Variants in FGD4 observed in about 807,000 individuals in gnomAD.
The protein encoded by FGD4 is FYVE, RhoGEF and PH domain-containing protein 4.
A neutral mutation model predicts 102.0 loss-of-function variants in FGD4; 42 were observed. That is an observed-to-expected ratio of 0.41 (90% CI 0.32 to 0.53). FGD4 has a LOEUF of 0.53. Among genes scored for constraint, FGD4 ranks in the 20% least tolerant of loss-of-function variants. FGD4 has a pLI of 0.21. For synonymous variants in FGD4, 380 were observed against 375.7 expected, an observed-to-expected ratio of 1.01 and a Z score of -0.13; for missense variants, 902 against 1,078.2, an observed-to-expected ratio of 0.84 and a Z score of 2.29.
At chr12:32,422,288 CTTTTTTTTTTTTT>C (rs770560590) in intron 1 of FGD4, among the ~76,000 whole-genome samples, 17 of 54,174 alleles carry the variant, frequency 3.1e-4, no homozygotes, top group South Asian at 2.3e-3. Flanking sequence ...TTGGGAGCTG[CTTTTTTTTTTTTT>C]TTTTTTTTTT....
chr12:32,637,495 C>G (rs1950906406), intron 15 of FGD4, among the ~76,000 whole-genome samples: 1 of 151,738 alleles, frequency 6.6e-6, no homozygotes, highest in African/African-American at 2.4e-5. Flanking sequence ...ACTCAGGAGG[C>G]TGAGGCAGGA....
intron 2 of FGD4, among the ~76,000 whole-genome samples, chr12:32,569,695 C>T (rs1477807504): frequency 6.6e-6 from 1 of 152,110 alleles, no homozygotes; most frequent in Non-Finnish European, 1.5e-5. Context: ...GATTTACTTG[C>T]TATTTTTTTG....
rs551939571 is a variant in FGD4 at position 32,531,170 on chromosome 12, C to T, written c.167-32967C>T. On this transcript the variant is annotated intron_variant, in intron 1 of 16. Coordinates refer to ENST00000534526, the MANE Select transcript of FGD4 (RefSeq NM_001370298.3). ...TTTCACCACGTTGGCCAGATGGTCT[C>T]GATCTCTTGACCTCATGATCCGCCC... Among the ~76,000 whole-genome samples, 77 of 151,722 alleles carry T rather than the reference C, an allele frequency of 5.1e-4. No individual in the cohort carries two copies. In the South Asian group the frequency reaches 6.7e-3, roughly 13 times the overall value.
intron 7 of FGD4, among the ~76,000 whole-genome samples, chr12:32,605,007 C>T (rs1248513593): frequency 1.6e-5 from 2 of 127,980 alleles, no homozygotes; most frequent in African/African-American, 6.4e-5. Flanking sequence ...GGTATGATCT[C>T]GGCTCACTGT....
At chr12:32,569,353 G>A (rs925052183) in intron 2 of FGD4, among the ~76,000 whole-genome samples, 2 of 152,086 alleles carry the variant, frequency 1.3e-5, no homozygotes, top group African/African-American at 4.8e-5. Flanking sequence ...CTCATTTCAT[G>A]CAAAGTCAAA....
At chr12:32,460,336 A>C (rs1226332632) in intron 1 of FGD4, among the ~76,000 whole-genome samples, 1 of 151,924 alleles carries the variant, frequency 6.6e-6, no homozygotes, top group Non-Finnish European at 1.5e-5. Context: ...ACATAGTGAG[A>C]CTTTGGCTTT....
chr12:32,431,834 G>A (rs543743169), intron 1 of FGD4, among the ~76,000 whole-genome samples: 1 of 151,856 alleles, frequency 6.6e-6, no homozygotes, highest in Non-Finnish European at 1.5e-5. Context: ...TTGCTCATGA[G>A]TTAATTGATA....
chr12:32,548,692 G>A (rs1381096923), intron 1 of FGD4, among the ~76,000 whole-genome samples: 2 of 152,180 alleles, frequency 1.3e-5, no homozygotes, highest in African/African-American at 2.4e-5. Context: ...TACAGAATGT[G>A]GTTTCATCTG....
At chr12:32,402,461 C>T (rs1254463736) in intron 1 of FGD4, among the ~76,000 whole-genome samples, 2 of 151,812 alleles carry the variant, frequency 1.3e-5, no homozygotes, top group African/African-American at 4.8e-5. Context: ...GATGGGGTCT[C>T]ACTGTGTTGC....
intron 1 of FGD4, among the ~76,000 whole-genome samples, chr12:32,489,061 G>C (rs1352880867): frequency 6.6e-6 from 1 of 152,164 alleles, no homozygotes; most frequent in East Asian, 1.9e-4. Context: ...CAGTAGTACT[G>C]GTTTTTTTTA....
At chr12:32,452,691 T>C (rs1378002629) in intron 1 of FGD4, among the ~76,000 whole-genome samples, 2 of 152,156 alleles carry the variant, frequency 1.3e-5, no homozygotes, top group Non-Finnish European at 2.9e-5. Flanking sequence ...GAGTGTATTA[T>C]GGTAAAGAAT....
chr12:32,517,987 C>T (rs373671493), intron 1 of FGD4, among the ~76,000 whole-genome samples: 6 of 137,056 alleles, frequency 4.4e-5, no homozygotes, highest in Admixed American at 7.4e-5. Flanking sequence ...GTAACATTTA[C>T]TGTTTATTCT....
chr12:32,438,671 G>A (rs889038922), intron 1 of FGD4, among the ~76,000 whole-genome samples: 6 of 151,136 alleles, frequency 4.0e-5, no homozygotes, highest in African/African-American at 7.3e-5. Context: ...GTGCAGTGGC[G>A]CGATCTCAAC....
rs971150707 is a variant in FGD4, at chr12:32,642,128, T to G, written c.*1595T>G. ...CCCAAAGGAGCAAGTGAACCAATTA[T>G]TGCTGACATAATAGGTTCCCTTCCT... On this transcript the variant is annotated 3_prime_UTR_variant, in exon 17 of 17. Coordinates refer to ENST00000534526, the MANE Select transcript of FGD4 (RefSeq NM_001370298.3). 2.0e-5 allele frequency: 3 copies of G among 152,236 alleles called. No individual in the cohort carries two copies. Among genetic ancestry groups the G allele is most frequent in the Non-Finnish European group, 2.9e-5 (2 of 67,976 alleles). 9.4% of individuals were successfully genotyped at this position (152,236 alleles called of 1,614,324 possible). A position where few individuals can be genotyped will look rare whatever the true frequency, so the allele number is the denominator to read the frequency against.
intron 1 of FGD4, among the ~76,000 whole-genome samples, chr12:32,488,546 C>G (rs1323326802): frequency 1.4e-5 from 2 of 146,782 alleles, no homozygotes; most frequent in African/African-American, 4.9e-5. Flanking sequence ...TTTGTGTTCC[C>G]CCTGTTAGCT....
intron 1 of FGD4, among the ~76,000 whole-genome samples, chr12:32,444,529 C>T (rs566739698): frequency 5.3e-5 from 8 of 152,116 alleles, no homozygotes; most frequent in Middle Eastern, 3.4e-3. Context: ...CTCAGCCTCC[C>T]GAGTAACTGG....
At chr12:32,524,527 A>AAAT (rs974956788) in intron 1 of FGD4, among the ~76,000 whole-genome samples, 11 of 139,866 alleles carry the variant, frequency 7.9e-5, no homozygotes, top group Non-Finnish European at 1.8e-4. Context: ...ATTCAAATAA[A>AAAT]AAAAAAAAAC....
In FGD4 at chr12:32,582,502, C is replaced by T. The variant is rs532895759; in HGVS notation, c.1011+35C>T. On this transcript the variant is annotated intron_variant, in intron 4 of 16. Coordinates refer to ENST00000534526, the MANE Select transcript of FGD4 (RefSeq NM_001370298.3). ...GAGACTAGCTCATGAGCAGGGAAAA[C>T]CCTGCCTATTCGATTGTTGTCTTAA... 5.0e-6 allele frequency: 8 copies of T among 1,603,528 alleles called. No individual in the cohort carries two copies. The South Asian group carries it at 8.8e-5, about 18-fold the overall frequency.
At chr12:32,400,474 T>G (rs768236057) in intron 1 of FGD4, among the ~76,000 whole-genome samples, 27 of 152,216 alleles carry the variant, frequency 1.8e-4, no homozygotes, top group Non-Finnish European at 3.2e-4. Context: ...AAGCTGTTCC[T>G]AACATCAGAA....
Sources: gnomAD v4.1 joint callset for allele counts (sites outside exome capture counted in the v4.1 genomes callset) on GRCh38, gnomAD v4.1.1 for gene constraint, MANE v1.5 for transcripts, NCBI Gene and HGNC (gene_info 2026-07-23, HGNC 2026-07-21) for gene names.